The following USP8 variants were observed in gnomAD, a reference collection of about 807,000 sequenced individuals.
USP8 encodes ubiquitin carboxyl-terminal hydrolase 8.
USP8 carries 27 observed loss-of-function variants against 130.0 expected under a neutral mutation model. The observed-to-expected ratio is 0.21, with a 90% CI of 0.15 to 0.29. The LOEUF is 0.29. Ranked by LOEUF, USP8 falls within the 10% of genes least tolerant of loss-of-function variation. USP8 has a pLI of 1.00. For missense variants in USP8, 1,029 were observed against 1,312.2 expected, an observed-to-expected ratio of 0.78 and a Z score of 3.33; for synonymous variants, 392 against 444.1, an observed-to-expected ratio of 0.88 and a Z score of 1.48.
chr15:50,511,879 TC>T lies in USP8; in HGVS notation c.*12794del, dbSNP rs2052742591. 1 of 152,038 alleles carries T rather than the reference TC, an allele frequency of 6.6e-6. No homozygotes were observed. The highest frequency in any genetic ancestry group is 1.5e-5 in the Non-Finnish European group (1 of 68,056). 9.4% of individuals were successfully genotyped at this position (152,038 alleles called of 1,614,324 possible). On this transcript the variant is annotated 3_prime_UTR_variant, in exon 20 of 20. Transcript: ENST00000307179. ...GGGGCATGGTGGTGCACACCTGTGG[TC>T]CCAGCTACTCGAGGGAGGGAGGAGG...
chr15:50,477,361 A>G lies in USP8; in HGVS notation c.1080A>G (p.Glu360=). ...QTPPASIEVD[E]NIELISGQNE... is the part of the protein sequence containing the mutation. ...CACCTGCATCTATAGAAGTAGATGA[A>G]AATATAGAATTGATAAGTGGTCAAA... Residue 360 remains glutamate (E), a synonymous_variant, in exon 10 of 20, where the codon GAA becomes GAG. Coordinates refer to ENST00000307179, the MANE Select transcript of USP8 (RefSeq NM_005154.5). 6.2e-7 allele frequency: 1 copy of G among 1,614,134 alleles called. No individual in the cohort carries two copies. The highest frequency in any genetic ancestry group is 8.5e-7 in the Non-Finnish European group (1 of 1,180,016).
At chr15:50,445,568 A>AAAAAAAAAAAAAAC (rs1248390470) in intron 3 of USP8, among the ~76,000 whole-genome samples, 1 of 112,788 alleles carries the variant, frequency 8.9e-6, no homozygotes, top group African/African-American at 3.4e-5. Context: ...AAAAAAAAAA[A>AAAAAAAAAAAAAAC]AGCCTGGGCA....
intron 1 of USP8, among the ~76,000 whole-genome samples, chr15:50,428,957 C>A (rs988626562): frequency 6.6e-6 from 1 of 152,154 alleles, no homozygotes; most frequent in African/African-American, 2.4e-5. Flanking sequence ...GTAACTGAGA[C>A]GGCCACTTAG....
rs1177155562 is a variant in USP8, at chr15:50,481,506, T to G, written c.1244T>G (p.Val415Gly). Residue 415 changes from valine (V) to glycine (G), a missense_variant, in exon 11 of 20, where the codon GTC becomes GGC. Val to Gly is a moderately radical substitution (Grantham distance 109). Coordinates refer to ENST00000307179, the MANE Select transcript of USP8 (RefSeq NM_005154.5). ...PQIDRTKKPA[V>G]KLPEEHRIKS... Reference sequence around the variant, plus strand: ...ATTGATCGTACTAAAAAACCAGCAGTCAAATTGCCTGAAGAGCATAGAATA... The same window carrying G: ...ATTGATCGTACTAAAAAACCAGCAGGCAAATTGCCTGAAGAGCATAGAATA... 2.5e-6 allele frequency: 4 copies of G among 1,591,020 alleles called. No homozygotes were observed. The highest frequency in any genetic ancestry group is 3.4e-6 in the Non-Finnish European group (4 of 1,172,930).
Position 50,508,523 on chromosome 15 carries a change from G to C in USP8, c.*9435G>C, listed in dbSNP as rs1245159113. On this transcript the variant is annotated 3_prime_UTR_variant, in exon 20 of 20. Coordinates refer to ENST00000307179, the MANE Select transcript of USP8 (RefSeq NM_005154.5). ...TAGTTTTAAATACTTATATCTTAAA[G>C]GATAGACTGAGTGTTAATACACTGG... 6.6e-6 allele frequency: 1 copy of C among 152,100 alleles called. No homozygotes were observed. Among genetic ancestry groups the C allele is most frequent in the African/African-American group, 2.4e-5 (1 of 41,414 alleles). The allele number at this position is 152,100 out of a possible 1,614,324, so 9.4% of individuals were successfully genotyped here.
chr15:50,493,888 T>C (rs767880325), intron 15 of USP8, 182 bp from the exon 16 acceptor site: 2 of 793,364 alleles, frequency 2.5e-6, no homozygotes, highest in Non-Finnish European at 4.4e-6. Context: ...AGAAGGAAGC[T>C]GAAGGGATGT....
intron 18 of USP8, chr15:50,497,587 A>AATAAAATTT (rs1427755153): frequency 6.3e-6 from 1 of 158,766 alleles, no homozygotes; most frequent in Non-Finnish European, 1.4e-5. Flanking sequence ...TTATGTGTTA[A>AATAAAATTT]ATAAAATTTA....
At position 50,477,327 on chromosome 15, in the gene USP8, C is replaced by G. The variant is rs769611703; in HGVS notation, c.1046C>G (p.Ala349Gly). ...LEESIPSKPA[A>G]QTPPASIEVD... ...GAATCAATTCCTTCTAAACCTGCTG[C>G]CCAGACGCCACCTGCATCTATAGAA... Residue 349 changes from alanine to glycine, a missense_variant, in exon 10 of 20, where the codon GCC (alanine) becomes GGC (glycine). Around this residue, in one of 4 missense-constraint regions of USP8, gnomAD observed 486 missense variants for 522.0 expected, o/e 0.93. Transcript: ENST00000307179. The G allele has an allele frequency of 2.0e-5, 32 of 1,613,932 alleles. No individual in the cohort carries two copies. Among genetic ancestry groups the G allele is most frequent in the Non-Finnish European group, 2.6e-5 (31 of 1,180,000 alleles).
chr15:50,441,016 G>A (rs1595906994), intron 2 of USP8, among the ~76,000 whole-genome samples: 2 of 150,982 alleles, frequency 1.3e-5, no homozygotes, highest in South Asian at 4.2e-4. Flanking sequence ...AAAAAAAAAA[G>A]GAGTGCACAA....
At chr15:50,477,844 A>G (rs2051620388) in intron 10 of USP8, among the ~76,000 whole-genome samples, 1 of 152,176 alleles carries the variant, frequency 6.6e-6, no homozygotes. Context: ...GTCTCAAAAA[A>G]AAAAAAAAGA....
Position 50,489,467 on chromosome 15 carries a change from T to TA in USP8, c.1891-323dup, listed in dbSNP as rs796405097. ...ACTAAAATACCTTGAGATGCAAAAT[T>TA]AAAAAAAAAAATGTGGCCTTTCTTA... On this transcript the variant is annotated intron_variant, in intron 12 of 19. Coordinates refer to ENST00000307179, the MANE Select transcript of USP8 (RefSeq NM_005154.5). 7.0e-3 allele frequency: 1,057 copies of TA among 151,366 alleles called. 15 individuals are homozygous for TA. Among genetic ancestry groups the TA allele is most frequent in the African/African-American group, 0.023 (943 of 40,666 alleles). 9.4% of individuals were successfully genotyped at this position (151,366 alleles called of 1,614,324 possible).
intron 1 of USP8, among the ~76,000 whole-genome samples, chr15:50,438,742 C>A (rs552086078): frequency 6.6e-6 from 1 of 152,266 alleles, no homozygotes; most frequent in Non-Finnish European, 1.5e-5. Flanking sequence ...ATTATTCTTA[C>A]TGCTAGTTCC....
chr15:50,464,999 C>T, intron 6 of USP8, 48 bp from the exon 7 acceptor site: 13 of 1,601,386 alleles, frequency 8.1e-6, no homozygotes, highest in Non-Finnish European at 1.1e-5. Flanking sequence ...GATGTCAGCA[C>T]ATCTTGTGCT....
chr15:50,464,943 A>G, intron 6 of USP8, 104 bp from the exon 7 acceptor site: 1 of 1,176,894 alleles, frequency 8.5e-7, no homozygotes, highest in Non-Finnish European at 1.2e-6. Context: ...ATATATATTC[A>G]GTATACTTTG....
intron 7 of USP8, among the ~76,000 whole-genome samples, chr15:50,468,632 A>G (rs935346451): frequency 6.6e-6 from 1 of 152,122 alleles, no homozygotes; most frequent in Non-Finnish European, 1.5e-5. Context: ...TTTGTTGTAC[A>G]TACATATTTT....
At chr15:50,492,954 G>A (rs769397512) in intron 15 of USP8, 41 bp downstream of exon 15, 3 of 1,539,044 alleles carry the variant, frequency 1.9e-6, no homozygotes, top group South Asian at 2.2e-5. Flanking sequence ...ATGCTAAAAG[G>A]ATGATCTAAC....
intron 1 of USP8, among the ~76,000 whole-genome samples, chr15:50,433,674 C>T (rs563258014): frequency 6.6e-6 from 1 of 152,226 alleles, no homozygotes; most frequent in East Asian, 1.9e-4. Context: ...GGCGCGATCT[C>T]AGCTCACTGC....
chr15:50,441,601 G>A, intron 3 of USP8, 108 bp downstream of exon 3: 1 of 920,868 alleles, frequency 1.1e-6, no homozygotes, highest in South Asian at 1.9e-5. Flanking sequence ...CAAATTATAT[G>A]CAGCATGATC....
intron 12 of USP8, among the ~76,000 whole-genome samples, chr15:50,487,235 C>T (rs140003671): frequency 1.2e-4 from 18 of 151,656 alleles, no homozygotes; most frequent in East Asian, 1.2e-3. Flanking sequence ...CTTCTAAGAA[C>T]GAAAAATAAA....
Sources: allele counts gnomAD v4.1 joint callset (sites outside exome capture counted in the v4.1 genomes callset), GRCh38; gene constraint gnomAD v4.1.1; regional missense constraint gnomAD v4.1.1; transcripts MANE v1.5; gene names NCBI Gene and HGNC (gene_info 2026-07-23, HGNC 2026-07-21).